The following AKAP19 variants were observed in gnomAD, a reference collection of about 807,000 sequenced individuals.
AKAP19 encodes small A-kinase anchoring protein.
the AKAP19 span, among the ~76,000 whole-genome samples, chr2:190,034,118 CA>C: frequency 0.94 from 142,075 of 151,234 alleles, 66,802 homozygotes; most frequent in Admixed American, 0.97. Flanking sequence ...ATTATAAAGT[CA>C]AAAAAAAAGA....
the AKAP19 span, among the ~76,000 whole-genome samples, chr2:189,889,037 C>T: frequency 0.012 from 1,894 of 152,142 alleles, 37 homozygotes; most frequent in African/African-American, 0.04. Context: ...ATGCTTCCAG[C>T]TTTTGCCCAT....
At chr2:190,098,878 G>A in the AKAP19 span, among the ~76,000 whole-genome samples, 1 of 152,114 alleles carries the variant, frequency 6.6e-6, no homozygotes, top group Non-Finnish European at 1.5e-5. Context: ...TTTATATTTT[G>A]GAGACTGCTT....
the AKAP19 span, among the ~76,000 whole-genome samples, chr2:189,999,463 T>C: frequency 6.6e-6 from 1 of 152,192 alleles, no homozygotes; most frequent in African/African-American, 2.4e-5. Flanking sequence ...AAAAAAGATA[T>C]ATTTGGAATC....
chr2:190,115,708 A>G, the AKAP19 span, among the ~76,000 whole-genome samples: 1 of 152,036 alleles, frequency 6.6e-6, no homozygotes, highest in South Asian at 2.1e-4. Flanking sequence ...CAGTCCCTCC[A>G]CTAGAGACAC....
chr2:190,131,110 T>A, the AKAP19 span, among the ~76,000 whole-genome samples: 1 of 152,190 alleles, frequency 6.6e-6, no homozygotes, highest in Non-Finnish European at 1.5e-5. Flanking sequence ...AAGAATCTTT[T>A]GTTCTAATAT....
At chr2:189,915,847 G>T in the AKAP19 span, among the ~76,000 whole-genome samples, 12 of 152,192 alleles carry the variant, frequency 7.9e-5, no homozygotes, top group African/African-American at 2.6e-4. Flanking sequence ...AAGATGAAAT[G>T]TCATGTTTAT....
the AKAP19 span, chr2:189,923,691 A>G: frequency 6.2e-6 from 10 of 1,613,796 alleles, no homozygotes; most frequent in African/African-American, 1.3e-4. Context: ...CAACGGGACT[A>G]TTATGATAGG....
chr2:190,086,574 C>T, the AKAP19 span, among the ~76,000 whole-genome samples: 1 of 152,190 alleles, frequency 6.6e-6, no homozygotes, highest in Non-Finnish European at 1.5e-5. Context: ...TTCCACTTCC[C>T]TTCCCATGCT....
the AKAP19 span, among the ~76,000 whole-genome samples, chr2:190,075,323 GA>G: frequency 2.6e-5 from 4 of 152,144 alleles, no homozygotes; most frequent in East Asian, 7.7e-4. Context: ...CTATCTTGGT[GA>G]ATGTTTCATG....
At chr2:190,072,897 G>T in the AKAP19 span, among the ~76,000 whole-genome samples, 2 of 152,032 alleles carry the variant, frequency 1.3e-5, no homozygotes, top group Admixed American at 6.6e-5. Flanking sequence ...AAACAAGAAA[G>T]TATGAAAATC....
chr2:190,101,883 C>T, the AKAP19 span, among the ~76,000 whole-genome samples: 1 of 152,092 alleles, frequency 6.6e-6, no homozygotes, highest in African/African-American at 2.4e-5. Context: ...ACCCATCAAC[C>T]ACAGAATATA....
chr2:189,910,788 A>G, the AKAP19 span, among the ~76,000 whole-genome samples: 3 of 152,090 alleles, frequency 2.0e-5, no homozygotes, highest in South Asian at 6.2e-4. Context: ...GGTGATATGT[A>G]GCATATGTAA....
At chr2:190,126,585 A>G in the AKAP19 span, among the ~76,000 whole-genome samples, 1 of 152,020 alleles carries the variant, frequency 6.6e-6, no homozygotes, top group Non-Finnish European at 1.5e-5. Context: ...ATGCTGTTTT[A>G]TTTTATGTTC....
chr2:189,892,924 G>A, the AKAP19 span, among the ~76,000 whole-genome samples: 1 of 152,190 alleles, frequency 6.6e-6, no homozygotes, highest in Admixed American at 6.5e-5. Flanking sequence ...TTTCAGAGAT[G>A]CCCTGCCCAG....
the AKAP19 span, among the ~76,000 whole-genome samples, chr2:189,915,015 T>A: frequency 6.6e-6 from 1 of 152,164 alleles, no homozygotes; most frequent in Non-Finnish European, 1.5e-5. Flanking sequence ...ACTGTTCTTT[T>A]TTGAAGCCAC....
At chr2:190,078,290 T>C in the AKAP19 span, among the ~76,000 whole-genome samples, 1 of 152,232 alleles carries the variant, frequency 6.6e-6, no homozygotes, top group African/African-American at 2.4e-5. Flanking sequence ...AGTCTTATGC[T>C]GCCAGTGTCC....
At chr2:190,190,789 A>G in the AKAP19 span, among the ~76,000 whole-genome samples, 1 of 152,304 alleles carries the variant, frequency 6.6e-6, no homozygotes, top group Non-Finnish European at 1.5e-5. Context: ...AATTTTTAAC[A>G]TACAGTAAAG....
chr2:189,915,486 G>T, the AKAP19 span, among the ~76,000 whole-genome samples: 2 of 151,844 alleles, frequency 1.3e-5, no homozygotes, highest in East Asian at 1.9e-4. Context: ...GAAAAAACTG[G>T]GACCTAGAGA....
the AKAP19 span, among the ~76,000 whole-genome samples, chr2:189,974,377 C>T: frequency 1.3e-5 from 2 of 152,106 alleles, no homozygotes; most frequent in Non-Finnish European, 1.5e-5. Flanking sequence ...TTTACATTTG[C>T]TGAGGAGTGC....
Sources: allele counts gnomAD v4.1 joint callset (sites outside exome capture counted in the v4.1 genomes callset), GRCh38; gene constraint gnomAD v4.1.1; transcripts MANE v1.5; gene names NCBI Gene and HGNC (gene_info 2026-07-23, HGNC 2026-07-21).